TEX9: variants seen among roughly 807,000 people sequenced by gnomAD.
The protein encoded by TEX9 is testis expressed 9.
Under a neutral mutation model 59.6 loss-of-function variants are expected in TEX9, and 74 were observed. That is an observed-to-expected ratio of 1.24 (90% confidence interval 1.03 to 1.51). TEX9 has a LOEUF of 1.51. TEX9 is among the 40% of genes most tolerant of loss of function. The pLI, the probability that TEX9 is intolerant of heterozygous loss-of-function variation, is 0.00. For synonymous variants in TEX9, 186 were observed against 152.2 expected, an observed-to-expected ratio of 1.22 and a Z score of -1.64; for missense variants, 522 against 447.8, an observed-to-expected ratio of 1.17 and a Z score of -1.49.
At chr15:56,320,610 C>T (rs992720490) in intron 1 of TEX9, among the ~76,000 whole-genome samples, 1 of 152,202 alleles carries the variant, frequency 6.6e-6, no homozygotes, top group Non-Finnish European at 1.5e-5. Context: ...AGGGTCCAAT[C>T]CCTGTGACCT....
chr15:56,311,959 T>G (rs1170820385), intron 1 of TEX9, among the ~76,000 whole-genome samples: 1 of 150,228 alleles, frequency 6.7e-6, no homozygotes, highest in East Asian at 2.0e-4. Context: ...GAAGTGTCTG[T>G]TCATGTCCTT....
chr15:56,253,496 G>A (rs1596043755), intron 1 of TEX9, among the ~76,000 whole-genome samples: 1 of 152,084 alleles, frequency 6.6e-6, no homozygotes, highest in Non-Finnish European at 1.5e-5. Flanking sequence ...TCCCTTCTGA[G>A]GTCCCTAAAG....
At chr15:56,375,459 G>C (rs1358510244) in intron 3 of TEX9, among the ~76,000 whole-genome samples, 1 of 151,924 alleles carries the variant, frequency 6.6e-6, no homozygotes, top group Non-Finnish European at 1.5e-5. Flanking sequence ...CTCCCATTTT[G>C]TAGGTTGCCT....
At chr15:56,435,785 C>G (rs1468043847) in intron 12 of TEX9, among the ~76,000 whole-genome samples, 1 of 151,928 alleles carries the variant, frequency 6.6e-6, no homozygotes, top group African/African-American at 2.4e-5. Context: ...TTCCAGAAAA[C>G]AGAAGAGGAG....
intron 1 of TEX9, among the ~76,000 whole-genome samples, chr15:56,249,660 T>A (rs1373742358): frequency 1.4e-5 from 2 of 147,244 alleles, no homozygotes; most frequent in Non-Finnish European, 3.0e-5. Context: ...AGAGAATTGC[T>A]TGAATCAGGG....
intron 12 of TEX9, among the ~76,000 whole-genome samples, chr15:56,435,815 T>A (rs1229400349): frequency 6.6e-6 from 1 of 152,050 alleles, no homozygotes; most frequent in Non-Finnish European, 1.5e-5. Flanking sequence ...CCCCATTCAT[T>A]TTATGAAGAT....
chr15:56,374,071 A>G (rs2047314128), intron 3 of TEX9: 2 of 151,770 alleles, frequency 1.3e-5, no homozygotes, highest in East Asian at 1.9e-4. Flanking sequence ...TACTAAAAAT[A>G]TTTATAATTA....
At chr15:56,328,825 A>G (rs1374514560) in intron 1 of TEX9, among the ~76,000 whole-genome samples, 1 of 152,200 alleles carries the variant, frequency 6.6e-6, no homozygotes, top group Admixed American at 6.5e-5. Flanking sequence ...TGACTCCTGT[A>G]TGGCATCACT....
chr15:56,341,063 G>T (rs1277401709), intron 1 of TEX9, among the ~76,000 whole-genome samples: 1 of 152,106 alleles, frequency 6.6e-6, no homozygotes, highest in African/African-American at 2.4e-5. Context: ...GCTTGCTAGG[G>T]TTGGAAATGC....
chr15:56,458,372 C>G, the TEX9 span, among the ~76,000 whole-genome samples: 7 of 152,316 alleles, frequency 4.6e-5, no homozygotes, highest in African/African-American at 1.7e-4. Context: ...TGTCCCTACA[C>G]ATGCTCAGCT....
At chr15:56,377,445 GT>G in intron 3 of TEX9, among the ~76,000 whole-genome samples, 1 of 152,092 alleles carries the variant, frequency 6.6e-6, no homozygotes, top group South Asian at 2.1e-4. Flanking sequence ...ATGTTTTATA[GT>G]TTTTGTTGTA....
chr15:56,347,662 T>C (rs534638277), intron 1 of TEX9, among the ~76,000 whole-genome samples: 13 of 152,060 alleles, frequency 8.5e-5, no homozygotes, highest in African/African-American at 2.7e-4. Context: ...GTAAAACTTA[T>C]AGAAAAAACA....
At chr15:56,280,106 G>A (rs6493843) in intron 1 of TEX9, among the ~76,000 whole-genome samples, 5,048 of 152,278 alleles carry the variant, frequency 0.033, 308 homozygotes, top group African/African-American at 0.11. Context: ...ATTTAAGGCA[G>A]GCAATGCTAA....
At chr15:56,324,250 G>T (rs2554290) in intron 1 of TEX9, among the ~76,000 whole-genome samples, 57 of 150,456 alleles carry the variant, frequency 3.8e-4, no homozygotes, top group Admixed American at 8.0e-4. Flanking sequence ...TTTTTTATCC[G>T]TTAAAAAAAA....
At chr15:56,432,907 T>C (rs16976904) in intron 12 of TEX9, among the ~76,000 whole-genome samples, 2,513 of 152,316 alleles carry the variant, frequency 0.016, 65 homozygotes, top group African/African-American at 0.057. Flanking sequence ...AATTCTTCTC[T>C]TCCTACCGAT....
chr15:56,450,062 T>A (rs116669834), downstream of TEX9, among the ~76,000 whole-genome samples: 1,223 of 152,294 alleles, frequency 8.0e-3, 16 homozygotes, highest in African/African-American at 0.028. Flanking sequence ...CTTATCTTTA[T>A]TATTGCCTTC....
intron 3 of TEX9, among the ~76,000 whole-genome samples, chr15:56,380,869 G>A (rs1232383015): frequency 6.6e-6 from 1 of 151,908 alleles, no homozygotes; most frequent in Non-Finnish European, 1.5e-5. Flanking sequence ...TTGACCTTTG[G>A]GAGTTTGATT....
chr15:56,270,353 A>G (rs1737073078), intron 1 of TEX9, among the ~76,000 whole-genome samples: 1 of 152,206 alleles, frequency 6.6e-6, no homozygotes. Context: ...ATATATATTT[A>G]GGATAGTTAG....
At chr15:56,305,222 C>A (rs2045450192) in intron 1 of TEX9, among the ~76,000 whole-genome samples, 1 of 152,020 alleles carries the variant, frequency 6.6e-6, no homozygotes, top group Non-Finnish European at 1.5e-5. Context: ...TTTACAGATT[C>A]ATTGCAATTC....
Sources: allele counts gnomAD v4.1 joint callset (sites outside exome capture counted in the v4.1 genomes callset), GRCh38; gene constraint gnomAD v4.1.1; transcripts MANE v1.5; gene names NCBI Gene and HGNC (gene_info 2026-07-23, HGNC 2026-07-21).